Variants in CEP63 observed in about 807,000 individuals in gnomAD.
The protein encoded by CEP63 is centrosomal protein 63, also known as centrosomal protein of 63 kDa.
Under a neutral mutation model 89.1 loss-of-function variants are expected in CEP63, and 84 were observed. The ratio of observed to expected loss-of-function variants is 0.94; its 90% confidence interval spans 0.79 to 1.13. CEP63 has a LOEUF of 1.13. CEP63 is among the 50% of genes most tolerant of loss of function. The pLI is 0.00. For missense variants in CEP63, 838 were observed against 813.3 expected, an observed-to-expected ratio of 1.03 and a Z score of -0.37; for synonymous variants, 267 against 272.5, an observed-to-expected ratio of 0.98 and a Z score of 0.20.
downstream of CEP63, among the ~76,000 whole-genome samples, chr3:134,569,538 C>T (rs999295126): frequency 5.3e-5 from 8 of 152,332 alleles, no homozygotes; most frequent in African/African-American, 1.7e-4. Flanking sequence ...ATCCAGGTCA[C>T]GCTGATGCAA....
intron 6 of CEP63, among the ~76,000 whole-genome samples, chr3:134,543,083 G>A (rs1353924238): frequency 6.6e-6 from 1 of 152,130 alleles, no homozygotes; most frequent in East Asian, 1.9e-4. Context: ...TGAGATTAGT[G>A]TAGTGCTAAT....
chr3:134,657,460 A>G, the CEP63 span, among the ~76,000 whole-genome samples: 5 of 151,986 alleles, frequency 3.3e-5, 1 homozygote, highest in Non-Finnish European at 5.9e-5. Flanking sequence ...TGGTATCATG[A>G]TTTTTTTTCA....
chr3:134,569,777 C>A (rs1957942182), downstream of CEP63, among the ~76,000 whole-genome samples: 1 of 152,196 alleles, frequency 6.6e-6, no homozygotes, highest in Non-Finnish European at 1.5e-5. Context: ...GCTCTGACCC[C>A]ACATTTCCCT....
chr3:134,729,275 C>A, the CEP63 span, among the ~76,000 whole-genome samples: 3 of 152,214 alleles, frequency 2.0e-5, no homozygotes, highest in South Asian at 6.2e-4. Flanking sequence ...TTATTAAGTT[C>A]TTGTGTATTG....
chr3:134,613,922 G>T, the CEP63 span, among the ~76,000 whole-genome samples: 1 of 152,154 alleles, frequency 6.6e-6, no homozygotes, highest in Non-Finnish European at 1.5e-5. Flanking sequence ...ATCACTGGCC[G>T]CACACACTGT....
chr3:134,528,025 C>G (rs780662038), intron 3 of CEP63, among the ~76,000 whole-genome samples: 1 of 152,196 alleles, frequency 6.6e-6, no homozygotes, highest in Non-Finnish European at 1.5e-5. Context: ...TATCACTTCT[C>G]TAAGTGGCTC....
chr3:134,558,894 A>T (rs1446307427), intron 13 of CEP63, among the ~76,000 whole-genome samples: 1 of 152,108 alleles, frequency 6.6e-6, no homozygotes, highest in African/African-American at 2.4e-5. Flanking sequence ...AGCACTAACC[A>T]CACTAGATTA....
intron 3 of CEP63, among the ~76,000 whole-genome samples, chr3:134,512,642 C>G (rs1454527019): frequency 6.6e-6 from 1 of 152,104 alleles, no homozygotes; most frequent in Non-Finnish European, 1.5e-5. Flanking sequence ...TTAACTCTTT[C>G]TTTTGGCATT....
At chr3:134,547,295 G>A in intron 8 of CEP63, 40 bp from the exon 9 acceptor site, 5 of 1,600,834 alleles carry the variant, frequency 3.1e-6, no homozygotes, top group South Asian at 1.1e-5. Context: ...TTTGTTTGCA[G>A]AGATAAAGGC....
the CEP63 span, among the ~76,000 whole-genome samples, chr3:134,599,580 G>C: frequency 6.3e-4 from 96 of 152,268 alleles, no homozygotes; most frequent in South Asian, 6.6e-3. Context: ...AAGAAAAGTA[G>C]GCTGATAGGC....
At chr3:134,510,750 T>A (rs1265724050) in intron 3 of CEP63, 1 of 414,512 alleles carries the variant, frequency 2.4e-6, no homozygotes, top group Non-Finnish European at 4.6e-6. Context: ...GGTCTTCTCT[T>A]GTGGAGATTC....
chr3:134,499,318 A>G (rs1941231977), intron 2 of CEP63, among the ~76,000 whole-genome samples: 1 of 152,106 alleles, frequency 6.6e-6, no homozygotes, highest in African/African-American at 2.4e-5. Flanking sequence ...TGTTTGTAAT[A>G]ATCTCTAATG....
At chr3:134,715,051 TGAG>T in the CEP63 span, among the ~76,000 whole-genome samples, 11 of 152,350 alleles carry the variant, frequency 7.2e-5, no homozygotes, top group Middle Eastern at 3.4e-3. Flanking sequence ...TCTAGGCTGC[TGAG>T]GAGAAGCCCT....
At chr3:134,715,516 T>A in the CEP63 span, among the ~76,000 whole-genome samples, 1,535 of 6,930 alleles carry the variant, frequency 0.22, 8 homozygotes, top group East Asian at 0.4. Context: ...CCAGGAAAGG[T>A]TTTTTTTTTT....
chr3:134,727,103 G>T, the CEP63 span, among the ~76,000 whole-genome samples: 1 of 151,988 alleles, frequency 6.6e-6, no homozygotes, highest in East Asian at 1.9e-4. Flanking sequence ...TTGAAATTGT[G>T]TAAATGGTTC....
At chr3:134,507,479 A>C (rs892989170) in intron 3 of CEP63, among the ~76,000 whole-genome samples, 193 bp downstream of exon 3, 2 of 152,190 alleles carry the variant, frequency 1.3e-5, no homozygotes, top group African/African-American at 4.8e-5. Flanking sequence ...ATTTATTTCA[A>C]GGATCATTTT....
At chr3:134,540,293 A>G (rs1951738620) in intron 6 of CEP63, among the ~76,000 whole-genome samples, 1 of 152,040 alleles carries the variant, frequency 6.6e-6, no homozygotes, top group Non-Finnish European at 1.5e-5. Context: ...ATTCCCCCCT[A>G]TCGTTAAATG....
chr3:134,626,977 G>A, the CEP63 span, among the ~76,000 whole-genome samples: 1 of 152,124 alleles, frequency 6.6e-6, no homozygotes, highest in Non-Finnish European at 1.5e-5. Flanking sequence ...CTCACACATC[G>A]AACAGATTTC....
the CEP63 span, among the ~76,000 whole-genome samples, chr3:134,624,714 G>C: frequency 6.6e-6 from 1 of 152,226 alleles, no homozygotes; most frequent in African/African-American, 2.4e-5. Flanking sequence ...TGGACTGGAG[G>C]CAGGCATAGC....
Sources: allele counts gnomAD v4.1 joint callset (sites outside exome capture counted in the v4.1 genomes callset), GRCh38; gene constraint gnomAD v4.1.1; transcripts MANE v1.5; gene names NCBI Gene and HGNC (gene_info 2026-07-23, HGNC 2026-07-21).